The following CNTN1 variants were observed in gnomAD, a reference collection of about 807,000 sequenced individuals.
The protein encoded by CNTN1 is contactin-1.
Under a neutral mutation model 126.4 loss-of-function variants are expected in CNTN1, and 38 were observed. The observed-to-expected ratio is 0.30, with a 90% CI of 0.23 to 0.39. The LOEUF is 0.39. Among genes scored for constraint, CNTN1 ranks in the 10% least tolerant of loss-of-function variants. The pLI, the probability that CNTN1 is intolerant of heterozygous loss-of-function variation, is 1.00. For missense variants in CNTN1, 1,009 were observed against 1,248.4 expected (o/e 0.81, Z 2.89); for synonymous variants, 413 against 422.6 (o/e 0.98, Z 0.28).
chr12:40,801,978 A>C (rs927234275), intron 1 of CNTN1, among the ~76,000 whole-genome samples: 2 of 151,850 alleles, frequency 1.3e-5, no homozygotes, highest in African/African-American at 2.4e-5. Flanking sequence ...AGTAGATGGA[A>C]GATGGATACA....
At position 40,862,529 on chromosome 12, in the gene CNTN1, G is replaced by A. The variant is rs147502192; in HGVS notation, c.-76-45828G>A. ...TTTTTGTTACCCAGGTTACTCGGTG[G>A]CTTTACAACTTCAGGTCTCTGATAC... On this transcript the variant is annotated intron_variant, in intron 1 of 23. Transcript: ENST00000551295. Among the ~76,000 whole-genome samples the A allele has an allele frequency of 5.5e-4, 84 of 152,188 alleles. 1 individual carries two copies. The highest frequency in any genetic ancestry group is 1.9e-3 in the African/African-American group (77 of 41,510).
chr12:40,783,292 T>A (rs1436047538), intron 1 of CNTN1, among the ~76,000 whole-genome samples: 3 of 151,988 alleles, frequency 2.0e-5, no homozygotes, highest in Non-Finnish European at 4.4e-5. Flanking sequence ...TAAACATAAT[T>A]ATCAGATGAA....
chr12:40,934,027 T>A (rs912907633), intron 9 of CNTN1, 149 bp downstream of exon 9: 8 of 698,224 alleles, frequency 1.1e-5, no homozygotes, highest in Non-Finnish European at 1.7e-5. Flanking sequence ...ATTTCTCATA[T>A]GTCTAATGAA....
At chr12:40,729,470 A>C (rs1942440114) in intron 1 of CNTN1, 1 of 183,422 alleles carries the variant, frequency 5.5e-6, no homozygotes, top group Non-Finnish European at 1.2e-5. Flanking sequence ...TTTTATTGGC[A>C]GTGTGGATGA....
At chr12:40,721,099 A>T (rs912876221) in intron 1 of CNTN1, among the ~76,000 whole-genome samples, 2 of 152,138 alleles carry the variant, frequency 1.3e-5, no homozygotes, top group Admixed American at 6.5e-5. Flanking sequence ...AAACAAATGC[A>T]TTAGTTGAAT....
At chr12:40,888,097 T>C in intron 1 of CNTN1, among the ~76,000 whole-genome samples, 1 of 151,880 alleles carries the variant, frequency 6.6e-6, no homozygotes, top group Non-Finnish European at 1.5e-5. Context: ...TACACCAACA[T>C]GGCACATGTA....
At chr12:40,820,074 T>C (rs983080862) in intron 1 of CNTN1, among the ~76,000 whole-genome samples, 2 of 152,210 alleles carry the variant, frequency 1.3e-5, no homozygotes, top group Non-Finnish European at 1.5e-5. Flanking sequence ...ATAAGAAGCA[T>C]GGCACTAGCA....
chr12:40,712,179 T>C (rs1367579731), intron 1 of CNTN1, among the ~76,000 whole-genome samples: 2 of 152,206 alleles, frequency 1.3e-5, no homozygotes, highest in African/African-American at 4.8e-5. Flanking sequence ...ACTTTTCAGA[T>C]GTTATCTTAC....
At chr12:40,951,711 A>G (rs1946688520) in intron 14 of CNTN1, among the ~76,000 whole-genome samples, 1 of 130,524 alleles carries the variant, frequency 7.7e-6, no homozygotes, top group Admixed American at 7.7e-5. Context: ...TTTGTCTCAA[A>G]ATTTAAAAAA....
At chr12:40,938,460 A>ATG in intron 11 of CNTN1, among the ~76,000 whole-genome samples, 2 of 152,328 alleles carry the variant, frequency 1.3e-5, no homozygotes, top group African/African-American at 4.8e-5. Flanking sequence ...AGAAGGAGAG[A>ATG]CTGCATTGTT....
At chr12:40,830,673 T>TA (rs1941779619) in intron 1 of CNTN1, among the ~76,000 whole-genome samples, 2 of 149,180 alleles carry the variant, frequency 1.3e-5, no homozygotes, top group Admixed American at 1.3e-4. Flanking sequence ...TAGAAAGGTG[T>TA]AATATTTCTT....
rs114754151 is a variant in CNTN1 at position 41,038,805 on chromosome 12, C to T, written c.2980+9586C>T. Among the ~76,000 whole-genome samples the T allele has an allele frequency of 3.9e-3, 597 of 151,620 alleles. 7 individuals are homozygous for T. The highest frequency in any genetic ancestry group is 0.014 in the African/African-American group (576 of 41,292). ...AGATAGTGATAGTATCTGAAGGTAG[C>T]TGAGGAAGGTAAAGAGAGGTGGGAG... On this transcript the variant is annotated intron_variant, in intron 23 of 23. Coordinates refer to ENST00000551295, the MANE Select transcript of CNTN1 (RefSeq NM_001843.4).
At chr12:40,980,448 C>CAAAAAAAA (rs5797694) in intron 15 of CNTN1, among the ~76,000 whole-genome samples, 3 of 128,598 alleles carry the variant, frequency 2.3e-5, no homozygotes, top group Non-Finnish European at 1.6e-5. Context: ...GACCCTAACT[C>CAAAAAAAA]AAAAAAAAAA....
chr12:40,806,540 A>G (rs1324903833), intron 1 of CNTN1, among the ~76,000 whole-genome samples: 1 of 152,008 alleles, frequency 6.6e-6, no homozygotes, highest in Non-Finnish European at 1.5e-5. Context: ...ATCATTTCCC[A>G]CCCAAATGGA....
intron 23 of CNTN1, among the ~76,000 whole-genome samples, chr12:41,033,618 A>G (rs1214264610): frequency 2.0e-5 from 3 of 152,186 alleles, no homozygotes; most frequent in Non-Finnish European, 4.4e-5. Flanking sequence ...TTTTTAAGGT[A>G]GGAGTAACAT....
rs1392048004 is a variant in CNTN1, at chr12:40,993,024, A to T, written c.1964-96A>T. On this transcript the variant is annotated intron_variant, in intron 16 of 23. Transcript: ENST00000551295. ...TTTTTACTTCAACTCAGTGTAATAT[A>T]TACCATTCTCCCTGAAATAGTAAAA... 2.7e-6 allele frequency: 3 copies of T among 1,130,974 alleles called. No individual in the cohort carries two copies. The South Asian group carries it at 3.9e-5, about 15-fold the overall frequency. The allele number at this position is 1,130,974 out of a possible 1,614,324, so 70.1% of individuals were successfully genotyped here.
Position 40,979,556 on chromosome 12 carries a change from A to G in CNTN1, c.1805-1353A>G, listed in dbSNP as rs150514328. On this transcript the variant is annotated intron_variant, in intron 15 of 23. Coordinates refer to ENST00000551295, the MANE Select transcript of CNTN1 (RefSeq NM_001843.4). ...ATTAATTATTATATTAAATATGCCT[A>G]AATCAATTGGGGGTGGACTCCTTTC... 3.2e-3 allele frequency among the ~76,000 whole-genome samples: 492 copies of G among 152,198 alleles called. 1 individual carries two copies. The highest frequency in any genetic ancestry group is 0.011 in the African/African-American group (469 of 41,550).
At chr12:40,724,211 G>A (rs995229587) in intron 1 of CNTN1, among the ~76,000 whole-genome samples, 2 of 151,922 alleles carry the variant, frequency 1.3e-5, no homozygotes, top group Admixed American at 6.6e-5. Context: ...TGTGTAAGTC[G>A]GTCCCGGATA....
chr12:40,953,371 G>C (rs1486171319), intron 14 of CNTN1, among the ~76,000 whole-genome samples: 3 of 152,120 alleles, frequency 2.0e-5, no homozygotes, highest in South Asian at 4.1e-4. Context: ...TGAGGCCCAT[G>C]ATCTTTACTT....
Sources: allele counts gnomAD v4.1 joint callset (sites outside exome capture counted in the v4.1 genomes callset), GRCh38; gene constraint gnomAD v4.1.1; transcripts MANE v1.5; gene names NCBI Gene and HGNC (gene_info 2026-07-23, HGNC 2026-07-21).